Variants in FILIP1 observed in about 807,000 individuals in gnomAD.
FILIP1 encodes filamin A interacting protein 1.
Under a neutral mutation model 102.1 loss-of-function variants are expected in FILIP1, and 61 were observed. The observed-to-expected ratio is 0.60, with a 90% CI of 0.49 to 0.74. The LOEUF is 0.74. Among genes scored for constraint, FILIP1 ranks in the 30% least tolerant of loss-of-function variants. The pLI is 0.00. For synonymous variants in FILIP1, 491 were observed against 526.9 expected (o/e 0.93, Z 0.93); for missense variants, 1,314 against 1,441.2 (o/e 0.91, Z 1.43).
At chr6:75,338,319 T>C (rs1022113730) in intron 4 of FILIP1, among the ~76,000 whole-genome samples, 1 of 152,228 alleles carries the variant, frequency 6.6e-6, no homozygotes, top group African/African-American at 2.4e-5. Flanking sequence ...CTGAATATGT[T>C]ATGCATTGAA....
downstream of FILIP1, chr6:75,307,942 A>T: frequency 2.7e-6 from 2 of 730,294 alleles, no homozygotes; most frequent in Non-Finnish European, 3.4e-6. Context: ...TCCACAATTT[A>T]AATCAATTGC....
intron 2 of FILIP1, among the ~76,000 whole-genome samples, chr6:75,365,550 C>T (rs1775301677): frequency 6.6e-6 from 1 of 152,154 alleles, no homozygotes; most frequent in African/African-American, 2.4e-5. Context: ...CCTCGCCTGG[C>T]TAATTTTTGT....
chr6:75,438,848 T>C (rs1778110309), intron 1 of FILIP1, among the ~76,000 whole-genome samples: 1 of 152,124 alleles, frequency 6.6e-6, no homozygotes, highest in Admixed American at 6.5e-5. Flanking sequence ...TTTATTAAGA[T>C]GAGGAATTGA....
chr6:75,303,027 G>A (rs533136441), intron 6 of FILIP1, among the ~76,000 whole-genome samples: 5 of 152,268 alleles, frequency 3.3e-5, no homozygotes, highest in Admixed American at 3.3e-4. Context: ...AAATGGAGAG[G>A]AGGAGTCAGC....
intron 1 of FILIP1, chr6:75,465,342 C>A: frequency 2.4e-6 from 1 of 411,488 alleles, no homozygotes; most frequent in Non-Finnish European, 4.4e-6. Context: ...AAATGTGGAC[C>A]TAAATAACCA....
chr6:75,353,136 C>T (rs1259078404), intron 4 of FILIP1, among the ~76,000 whole-genome samples: 1 of 151,652 alleles, frequency 6.6e-6, no homozygotes, highest in Non-Finnish European at 1.5e-5. Flanking sequence ...AGCACACCAA[C>T]ATGGCACATG....
chr6:75,437,094 T>C (rs1175255927), intron 1 of FILIP1, among the ~76,000 whole-genome samples: 5 of 152,164 alleles, frequency 3.3e-5, no homozygotes, highest in Admixed American at 3.3e-4. Context: ...CCTGCATTCC[T>C]AAGTGAAATA....
At chr6:75,332,132 A>T (rs539739094) in intron 4 of FILIP1, among the ~76,000 whole-genome samples, 1 of 152,292 alleles carries the variant, frequency 6.6e-6, no homozygotes, top group African/African-American at 2.4e-5. Flanking sequence ...GTACTTTGTT[A>T]TAGCAGCCTG....
chr6:75,434,060 G>A (rs547475635), intron 1 of FILIP1, among the ~76,000 whole-genome samples: 49 of 152,196 alleles, frequency 3.2e-4, no homozygotes, highest in Non-Finnish European at 5.9e-4. Context: ...CTCTGTTTTG[G>A]TACCAGTACC....
At chr6:75,362,995 T>A in intron 2 of FILIP1, 78 bp from the exon 3 acceptor site, 1 of 1,392,814 alleles carries the variant, frequency 7.2e-7, no homozygotes. Context: ...AACAGAGAGC[T>A]TATTGAATAC....
At chr6:75,294,654 A>T (rs1456285840) in exon 7 of FILIP1, 1 of 151,864 alleles carries the variant, frequency 6.6e-6, no homozygotes, top group Admixed American at 6.6e-5. Flanking sequence ...TTCTTGTACT[A>T]CTTTTTCCTT....
chr6:75,356,135 C>T (rs2842456), intron 3 of FILIP1, among the ~76,000 whole-genome samples: 5,691 of 152,286 alleles, frequency 0.037, 372 homozygotes, highest in African/African-American at 0.13. Context: ...CTCAATCTCA[C>T]AACCAACTTT....
intron 4 of FILIP1, among the ~76,000 whole-genome samples, chr6:75,342,281 T>C (rs1774440219): frequency 6.6e-6 from 1 of 152,210 alleles, no homozygotes; most frequent in African/African-American, 2.4e-5. Context: ...GATAATCCTC[T>C]GAAGGTCACA....
chr6:75,360,746 G>A (rs942493956), intron 3 of FILIP1: 1 of 152,116 alleles, frequency 6.6e-6, no homozygotes, highest in Non-Finnish European at 1.5e-5. Flanking sequence ...ACCCTCGCTG[G>A]GCCTAATATG....
At chr6:75,312,148 T>C (rs1773210580) in intron 5 of FILIP1, among the ~76,000 whole-genome samples, 1 of 152,226 alleles carries the variant, frequency 6.6e-6, no homozygotes, top group African/African-American at 2.4e-5. Context: ...TTTGCAAGTA[T>C]TTTATGGCAC....
At chr6:75,318,979 G>T in intron 4 of FILIP1, 1 of 608,060 alleles carries the variant, frequency 1.6e-6, no homozygotes, top group South Asian at 1.8e-5. Flanking sequence ...GTTGTGTACA[G>T]GGAGGTTAAA....
intron 2 of FILIP1, among the ~76,000 whole-genome samples, chr6:75,378,543 C>A (rs1313673875): frequency 1.3e-5 from 2 of 152,194 alleles, no homozygotes; most frequent in Non-Finnish European, 2.9e-5. Flanking sequence ...CATCCCGAAT[C>A]TCTCAGCCTC....
At chr6:75,310,807 G>A (rs1297658232) in intron 5 of FILIP1, among the ~76,000 whole-genome samples, 1 of 152,184 alleles carries the variant, frequency 6.6e-6, no homozygotes, top group Non-Finnish European at 1.5e-5. Context: ...TGAGGACAGT[G>A]AATAATTCTG....
At chr6:75,416,156 C>G (rs1777262744) in intron 1 of FILIP1, among the ~76,000 whole-genome samples, 1 of 152,086 alleles carries the variant, frequency 6.6e-6, no homozygotes, top group African/African-American at 2.4e-5. Context: ...TTTATGAACC[C>G]AACCATACTT....
Sources: allele counts gnomAD v4.1 joint callset (sites outside exome capture counted in the v4.1 genomes callset), GRCh38; gene constraint gnomAD v4.1.1; transcripts MANE v1.5; gene names NCBI Gene and HGNC (gene_info 2026-07-23, HGNC 2026-07-21).